The following CEACAM4 variants were observed in gnomAD, a reference collection of about 807,000 sequenced individuals.
CEACAM4 encodes CEA cell adhesion molecule 4, also known as cell adhesion molecule CEACAM4.
A neutral mutation model predicts 28.7 loss-of-function variants in CEACAM4; 30 were observed. That is an observed-to-expected ratio of 1.05 (90% CI 0.78 to 1.42). The LOEUF is 1.42. CEACAM4 is among the 40% of genes most tolerant of loss of function. The pLI, the probability that CEACAM4 is intolerant of heterozygous loss-of-function variation, is 0.00. For synonymous variants in CEACAM4, 143 were observed against 126.5 expected, an observed-to-expected ratio of 1.13 and a Z score of -0.87; for missense variants, 330 against 308.2, an observed-to-expected ratio of 1.07 and a Z score of -0.53.
chr19:41,625,983 G>A lies in CEACAM4; in HGVS notation c.65-23C>T, dbSNP rs367988179. The A allele has an allele frequency of 6.1e-5, 97 of 1,589,206 alleles. 1 individual carries two copies. In the African/African-American group the frequency reaches 1.3e-3, roughly 21 times the overall value. ...AGGCTAGGAGGTGAAGACAGCATCA[G>A]TCAATACTGGGACCTATGGAGTGGG... On this transcript the variant is annotated intron_variant, in intron 1 of 6. Transcript: ENST00000221954.
intron 5 of CEACAM4, 28 bp from the exon 6 acceptor site, chr19:41,619,739 G>A (rs2122464267): frequency 2.0e-6 from 3 of 1,532,522 alleles, no homozygotes; most frequent in Non-Finnish European, 2.6e-6. Flanking sequence ...GAGATGTCAG[G>A]GGACAGGGAG....
chr19:41,625,437 T>A (rs1324871926), intron 2 of CEACAM4, 164 bp downstream of exon 2: 2 of 820,498 alleles, frequency 2.4e-6, no homozygotes, highest in African/African-American at 3.4e-5. Context: ...GGAATTCTGA[T>A]CTGTTGAAGT....
downstream of CEACAM4, among the ~76,000 whole-genome samples, chr19:41,614,190 T>G (rs2070963003): frequency 6.6e-6 from 1 of 152,226 alleles, no homozygotes; most frequent in Admixed American, 6.5e-5. Context: ...CTTGTCACAT[T>G]GACATGACCT....
Position 41,620,610 on chromosome 19 carries a change from T to A in CEACAM4, c.560A>T (p.Asp187Val). ...SRTGRASIQR[D>V]LREQPPPAST... ...GGCTGGGGGCGGCTGCTCCCTGAGG[T>A]CACGCTGGATGCTGGCCCTAGGAAA... The change falls in exon 4 of 7, where the codon GAC (aspartate) becomes GTC (valine). Residue 187 changes from aspartate (D) to valine (V), a missense_variant. Transcript: ENST00000221954. 6.2e-7 allele frequency: 1 copy of A among 1,611,914 alleles called. No individual in the cohort carries two copies.
chr19:41,621,030 T>C (rs1378987813), intron 3 of CEACAM4, among the ~76,000 whole-genome samples: 2 of 152,064 alleles, frequency 1.3e-5, no homozygotes, highest in African/African-American at 4.8e-5. Flanking sequence ...ATGTATCATA[T>C]TCTCCCAGAA....
downstream of CEACAM4, among the ~76,000 whole-genome samples, chr19:41,615,661 A>C (rs1192193262): frequency 6.6e-6 from 1 of 152,048 alleles, no homozygotes; most frequent in Non-Finnish European, 1.5e-5. Context: ...TATTTCCAGG[A>C]GAGATGACAA....
At position 41,622,847 on chromosome 19, in the gene CEACAM4, C is replaced by CAT. The variant is rs67983728; in HGVS notation, c.425-1081_425-1080dup. Among the ~76,000 whole-genome samples the CAT allele has an allele frequency of 5.9e-3, 727 of 123,576 alleles. 4 individuals carry two copies. Among genetic ancestry groups the CAT allele is most frequent in the African/African-American group, 0.023 (682 of 30,130 alleles). The allele number at this position is 123,576 out of a possible 152,430, so 81.1% of individuals were successfully genotyped here. The stretch of plus-strand genomic sequence containing the variant: ...GAGTTTGATCTCTAGCATATATATA[C>CAT]ATATATATAGATAGATAGATAGATA... On this transcript the variant is annotated intron_variant, in intron 2 of 6. Transcript: ENST00000221954.
intron 2 of CEACAM4, among the ~76,000 whole-genome samples, chr19:41,625,182 C>T (rs1019259962): frequency 6.6e-6 from 1 of 152,190 alleles, no homozygotes; most frequent in African/African-American, 2.4e-5. Context: ...GTAAGCCCTG[C>T]CCAGGAGACC....
At chr19:41,624,916 GAC>G (rs2071540208) in intron 2 of CEACAM4, among the ~76,000 whole-genome samples, 1 of 152,176 alleles carries the variant, frequency 6.6e-6, no homozygotes, top group African/African-American at 2.4e-5. Flanking sequence ...ATCCCCGGTG[GAC>G]AAGAAGCTGC....
downstream of CEACAM4, among the ~76,000 whole-genome samples, chr19:41,614,965 G>A (rs1198623026): frequency 6.7e-6 from 1 of 150,002 alleles, no homozygotes; most frequent in Non-Finnish European, 1.5e-5. Context: ...GAAGGGGGAG[G>A]GGAAAAGGGA....
chr19:41,614,079 G>A (rs925266943), downstream of CEACAM4, among the ~76,000 whole-genome samples: 3 of 152,198 alleles, frequency 2.0e-5, no homozygotes, highest in Admixed American at 2.0e-4. Flanking sequence ...ATTAATACAT[G>A]TGGATTTGCT....
chr19:41,620,282 G>C (rs371798785), intron 4 of CEACAM4, 40 bp from the exon 5 acceptor site: 2 of 1,432,218 alleles, frequency 1.4e-6, no homozygotes, highest in Non-Finnish European at 1.8e-6. Flanking sequence ...GGTGGGAGGA[G>C]AGCCTGGGCC....
chr19:41,620,465 T>G (rs1600350602), intron 4 of CEACAM4, 110 bp downstream of exon 4: 9 of 982,720 alleles, frequency 9.2e-6, no homozygotes, highest in Non-Finnish European at 1.1e-5. Context: ...CCTGACATCC[T>G]CCTTGCAGCC....
intron 3 of CEACAM4, among the ~76,000 whole-genome samples, chr19:41,621,163 G>T (rs73562930): frequency 0.034 from 5,147 of 152,138 alleles, 106 homozygotes; most frequent in Non-Finnish European, 0.043. Flanking sequence ...AGGTCCTGAG[G>T]TCCAGGTTCT....
chr19:41,627,073 G>A lies in CEACAM4; in HGVS notation c.-110C>T, dbSNP rs2071715548. On this transcript the variant is annotated 5_prime_UTR_variant, in exon 1 of 7. Transcript: ENST00000221954. ...CGGGGCTGCTGACCTTCCTCCTTCT[G>A]TGCTGAGCCTCCTCCCGGGCAGAAG... is the stretch of plus-strand genomic sequence containing the variant. 1.1e-6 allele frequency: 1 copy of A among 909,844 alleles called. No homozygotes were observed. Among genetic ancestry groups the A allele is most frequent in the Middle Eastern group, 2.9e-4 (1 of 3,456 alleles). 56.4% of individuals were successfully genotyped at this position (909,844 alleles called of 1,614,324 possible).
Position 41,619,239 on chromosome 19 carries a change from C to G in CEACAM4, c.*91G>C. On this transcript the variant is annotated 3_prime_UTR_variant, in exon 7 of 7. Transcript: ENST00000221954. ...GTCTCCTCAGGACTCAGAGCTGGTT[C>G]TCTGGCTCAGGCTCCATGTCCTTCC... 9.4e-7 allele frequency: 1 copy of G among 1,061,340 alleles called. No homozygotes were observed. Among genetic ancestry groups the G allele is most frequent in the South Asian group, 1.3e-5 (1 of 79,444 alleles). The allele number at this position is 1,061,340 out of a possible 1,614,324, so 65.7% of individuals were successfully genotyped here.
intron 6 of CEACAM4, 93 bp downstream of exon 6, chr19:41,619,577 T>C (rs1348936046): frequency 6.4e-7 from 1 of 1,557,652 alleles, no homozygotes; most frequent in Non-Finnish European, 8.7e-7. Flanking sequence ...TTCACTGCAT[T>C]TTCCTGAATC....
At chr19:41,623,210 G>T (rs899050265) in intron 2 of CEACAM4, among the ~76,000 whole-genome samples, 32 of 152,070 alleles carry the variant, frequency 2.1e-4, no homozygotes, top group Admixed American at 3.3e-4. Flanking sequence ...TAGAGACGGG[G>T]TTTTGCCATG....
chr19:41,625,619 C>T lies in CEACAM4; in HGVS notation c.406G>A (p.Gly136Ser). Residue 136 changes from glycine to serine, a missense_variant, in exon 2 of 7, where the codon GGC becomes AGC. By Grantham distance (56) the Gly-to-Ser change is moderately conservative. Transcript: ENST00000221954. ...CACTCACGGTGTACGTGGAGCTGGCCAGTTGCTTGGTCAGAGTCGTAACTG... is the reference window on the plus strand; with the variant it reads ...CACTCACGGTGTACGTGGAGCTGGCTAGTTGCTTGGTCAGAGTCGTAACTG... Reference protein sequence around the residue: ...NASYDSDQATGQLHVHQNNVP... With the variant: ...NASYDSDQATSQLHVHQNNVP... 6.3e-7 allele frequency: 1 copy of T among 1,580,404 alleles called. No homozygotes were observed. Among genetic ancestry groups the T allele is most frequent in the Non-Finnish European group, 8.6e-7 (1 of 1,161,544 alleles).
Sources: allele counts gnomAD v4.1 joint callset (sites outside exome capture counted in the v4.1 genomes callset), GRCh38; gene constraint gnomAD v4.1.1; transcripts MANE v1.5; gene names NCBI Gene and HGNC (gene_info 2026-07-23, HGNC 2026-07-21).